CLDN14: variants seen among roughly 807,000 people sequenced by gnomAD.
CLDN14 encodes the protein claudin 14.
CLDN14 carries 2 observed loss-of-function variants against 2.1 expected under a neutral mutation model. The observed-to-expected ratio is 0.96, with a 90% CI of 0.39 to 3.01. The LOEUF (loss-of-function observed/expected upper bound fraction) is 3.01, where lower values mean the gene tolerates loss of function less well. Ranked by LOEUF, CLDN14 falls within the 30% of genes most tolerant of loss-of-function variation. The probability of loss-of-function intolerance (pLI) is 0.09; values close to 1 mark genes in which losing one functional copy is unlikely to be tolerated. For missense variants in CLDN14, 298 were observed against 328.0 expected, an observed-to-expected ratio of 0.91 and a Z score of 0.71; for synonymous variants, 136 against 154.4, an observed-to-expected ratio of 0.88 and a Z score of 0.88.
Position 36,491,872 on chromosome 21 carries a change from C to A in CLDN14, c.-82+18491G>T, listed in dbSNP as rs114926124. ...CCCGCTCTGGGCTGGGGTCTCACCA[C>A]TGGAGTAAGAACAGTATCATGATGC... On this transcript the variant is annotated intron_variant, in intron 2 of 2. Transcript: ENST00000342108. Among the ~76,000 whole-genome samples, 1,455 of 152,244 alleles carry A rather than the reference C, an allele frequency of 9.6e-3. 25 individuals carry two copies. The highest frequency in any genetic ancestry group is 0.034 in the African/African-American group (1,407 of 41,540).
At chr21:36,543,851 C>G (rs1010512096) in intron 1 of CLDN14, among the ~76,000 whole-genome samples, 2 of 152,106 alleles carry the variant, frequency 1.3e-5, no homozygotes, top group Non-Finnish European at 2.9e-5. Context: ...GCTTCTGACA[C>G]GTAAACAGCC....
At chr21:36,550,366 C>A (rs997385542) in intron 1 of CLDN14, among the ~76,000 whole-genome samples, 9 of 152,156 alleles carry the variant, frequency 5.9e-5, no homozygotes, top group Non-Finnish European at 1.3e-4. Context: ...CTCCCCCTGA[C>A]CCCAAAAGTC....
rs770259212 is a variant in CLDN14 at position 36,461,140 on chromosome 21, G to C, written c.556C>G (p.Gln186Glu). The change falls in exon 2 of 2, where the codon CAG becomes GAG. Residue 186 changes from glutamine to glutamate, a missense_variant. Transcript: ENST00000399135. ...TAGGGCCTGTAGGGTGCCTCGTCCTGGCAGGACAGGCAAAGCAGGGTGCCA... is the reference window on the plus strand; with the variant it reads ...TAGGGCCTGTAGGGTGCCTCGTCCTCGCAGGACAGGCAAAGCAGGGTGCCA... ...IGGTLLCLSC[Q>E]DEAPYRPYQA... 6.2e-7 allele frequency: 1 copy of C among 1,613,896 alleles called. No individual in the cohort carries two copies. The highest frequency in any genetic ancestry group is 1.1e-5 in the South Asian group (1 of 91,084).
intron 1 of CLDN14, among the ~76,000 whole-genome samples, chr21:36,476,082 G>C (rs895962730): frequency 4.6e-5 from 7 of 152,178 alleles, no homozygotes; most frequent in Non-Finnish European, 1.0e-4. Context: ...GCTGAGTGCA[G>C]GCTCTCTTTG....
chr21:36,531,206 T>C (rs1297732753), intron 1 of CLDN14, among the ~76,000 whole-genome samples: 1 of 151,866 alleles, frequency 6.6e-6, no homozygotes, highest in African/African-American at 2.4e-5. Flanking sequence ...CCAGCCTGGG[T>C]GAAGAGTGAG....
rs758724049 is a variant in CLDN14, at chr21:36,461,416, C to G, written c.280G>C (p.Ala94Pro). 2.3e-5 allele frequency: 37 copies of G among 1,613,294 alleles called. No homozygotes were observed. Among genetic ancestry groups the G allele is most frequent in the Non-Finnish European group, 2.9e-5 (34 of 1,179,988 alleles). Residue 94 changes from alanine to proline, a missense_variant, in exon 2 of 2, where the codon GCC (alanine) becomes CCC (proline). Coordinates refer to ENST00000399135, the MANE Select transcript of CLDN14 (RefSeq NM_001146079.2). ...MVISCLLSGI[A>P]CACAVIGMKC... ...ATCCCGATGACGGCGCAGGCGCAGGCTATGCCCGAGAGCAGGCAGGAGATG... is the reference window on the plus strand; with the variant it reads ...ATCCCGATGACGGCGCAGGCGCAGGGTATGCCCGAGAGCAGGCAGGAGATG...
chr21:36,514,802 C>T (rs73392039), intron 1 of CLDN14, among the ~76,000 whole-genome samples: 12,531 of 151,932 alleles, frequency 0.082, 1,249 homozygotes, highest in African/African-American at 0.24. Context: ...GTGTTTCCTT[C>T]TCTTGCCTTG....
chr21:36,551,640 C>T lies in CLDN14; in HGVS notation c.-220+24771G>A, dbSNP rs2146517576. ...CCTTGGGTGGTGGGTAGAGGGATGA[C>T]CCTGAGCCAGCCCTGTTGCAACAGC... On this transcript the variant is annotated intron_variant, in intron 1 of 2. Coordinates refer to the CLDN14 transcript ENST00000342108. The surrounding 1 kb of genome is among the most constrained non-coding windows in gnomAD (Gnocchi z 4.8). 6.6e-6 allele frequency among the ~76,000 whole-genome samples: 1 copy of T among 152,238 alleles called. No homozygotes were observed. The highest frequency in any genetic ancestry group is 1.9e-4 in the East Asian group (1 of 5,176).
At chr21:36,531,731 A>G (rs949542378) in intron 1 of CLDN14, among the ~76,000 whole-genome samples, 2 of 142,784 alleles carry the variant, frequency 1.4e-5, no homozygotes, top group Admixed American at 1.4e-4. Context: ...TATATTCTTC[A>G]TTATCTATGT....
chr21:36,540,399 G>A (rs1174305393), intron 1 of CLDN14, among the ~76,000 whole-genome samples: 1 of 152,030 alleles, frequency 6.6e-6, no homozygotes, highest in Non-Finnish European at 1.5e-5. Flanking sequence ...AAATATTTTT[G>A]ATTCATGAAT....
chr21:36,497,143 AAGGG>A (rs1846090138), intron 2 of CLDN14, among the ~76,000 whole-genome samples: 1 of 20,406 alleles, frequency 4.9e-5, no homozygotes, highest in African/African-American at 2.7e-4. Flanking sequence ...GGGAGGGAGG[AAGGG>A]AGGAAGGGAG....
chr21:36,511,638 C>G (rs2087187529), intron 1 of CLDN14, among the ~76,000 whole-genome samples: 1 of 152,034 alleles, frequency 6.6e-6, no homozygotes, highest in Non-Finnish European at 1.5e-5. Flanking sequence ...ATCTGTGAGC[C>G]ATGTGTTTCC....
At chr21:36,486,903 AG>A (rs2086903803) in intron 2 of CLDN14, 2 of 638,968 alleles carry the variant, frequency 3.1e-6, no homozygotes, top group Admixed American at 2.0e-5. Context: ...CGGTGTCTAG[AG>A]TGAGTGTGGT....
chr21:36,500,312 C>T (rs891235454), intron 2 of CLDN14, among the ~76,000 whole-genome samples: 3 of 152,202 alleles, frequency 2.0e-5, no homozygotes, highest in Non-Finnish European at 4.4e-5. Flanking sequence ...TTTGCAGCCT[C>T]GGACCTGTTA....
chr21:36,508,788 T>C (rs994777852), intron 2 of CLDN14, among the ~76,000 whole-genome samples: 1 of 152,246 alleles, frequency 6.6e-6, no homozygotes, highest in Non-Finnish European at 1.5e-5. Context: ...ATGGTCTTTT[T>C]AGCACTCCCC....
intron 2 of CLDN14, among the ~76,000 whole-genome samples, chr21:36,504,781 T>C (rs1018853998): frequency 2.0e-5 from 3 of 152,192 alleles, no homozygotes; most frequent in East Asian, 1.9e-4. Flanking sequence ...TTGACTTCAA[T>C]GAAATAAGAA....
At chr21:36,520,145 G>A (rs574746128) in intron 1 of CLDN14, among the ~76,000 whole-genome samples, 4 of 151,202 alleles carry the variant, frequency 2.6e-5, no homozygotes, top group African/African-American at 7.2e-5. Context: ...TCAGCCTGTC[G>A]CTGCATCTTT....
At chr21:36,470,650 A>G (rs558029261) in intron 1 of CLDN14, among the ~76,000 whole-genome samples, 1 of 152,346 alleles carries the variant, frequency 6.6e-6, no homozygotes, top group African/African-American at 2.4e-5. Flanking sequence ...AACACAGCAG[A>G]GTAGCTGAAT....
intron 1 of CLDN14, among the ~76,000 whole-genome samples, chr21:36,475,619 C>T (rs560551126): frequency 2.6e-5 from 4 of 152,278 alleles, no homozygotes; most frequent in Admixed American, 6.5e-5. Flanking sequence ...GGCACAATCA[C>T]GGCTCCCTGC....
Sources: allele counts gnomAD v4.1 joint callset (sites outside exome capture counted in the v4.1 genomes callset), GRCh38; gene constraint gnomAD v4.1.1; non-coding constraint Gnocchi (gnomAD v3.1); transcripts MANE v1.5; gene names NCBI Gene and HGNC (gene_info 2026-07-23, HGNC 2026-07-21).